The following ANO2 variants were observed in gnomAD, a reference collection of about 807,000 sequenced individuals.
The protein encoded by ANO2 is anoctamin 2, also known as anoctamin-2.
In ANO2, 101 loss-of-function variants were observed where a neutral mutation model predicts 124.2. The observed-to-expected ratio is 0.81, with a 90% confidence interval of 0.69 to 0.96. The LOEUF (loss-of-function observed/expected upper bound fraction) is 0.96, where lower values mean the gene tolerates loss of function less well. Among genes scored for constraint, ANO2 ranks in the 40% least tolerant of loss-of-function variants. ANO2 has a pLI of 0.00. For missense variants in ANO2, 1,293 were observed against 1,274.5 expected (o/e 1.01, Z -0.22); for synonymous variants, 486 against 482.5 (o/e 1.01, Z -0.09).
intron 14 of ANO2, among the ~76,000 whole-genome samples, chr12:5,670,834 C>T (rs936173997): frequency 1.9e-4 from 29 of 152,162 alleles, no homozygotes; most frequent in Admixed American, 1.5e-3. Context: ...GCCACCACAC[C>T]TGGCCAAAAT....
At position 5,586,444 on chromosome 12, in the gene ANO2, T is replaced by C. The variant is rs1207500930; in HGVS notation, c.2234-7926A>G. 4.6e-5 allele frequency among the ~76,000 whole-genome samples: 7 copies of C among 152,346 alleles called. No individual in the cohort carries two copies. In the East Asian group the frequency reaches 1.2e-3, roughly 25 times the overall value. ...CAGGGAAAGGAATTTCCTGGTTCTT[T>C]GAGCCATTGGCTTGTAACACACACA... On this transcript the variant is annotated intron_variant, in intron 20 of 24. Coordinates refer to ENST00000682330, the MANE Select transcript of ANO2 (RefSeq NM_001364791.2).
At chr12:5,714,776 G>A (rs1031283942) in intron 14 of ANO2, among the ~76,000 whole-genome samples, 11 of 152,210 alleles carry the variant, frequency 7.2e-5, no homozygotes, top group South Asian at 2.1e-4. Context: ...GATTCACAAC[G>A]TGCGATAGTT....
At chr12:5,606,777 CACAT>C (rs1428944800) in intron 19 of ANO2, among the ~76,000 whole-genome samples, 3 of 152,096 alleles carry the variant, frequency 2.0e-5, no homozygotes, top group Non-Finnish European at 4.4e-5. Flanking sequence ...TGCACACACA[CACAT>C]GCATGTTTGT....
intron 15 of ANO2, among the ~76,000 whole-genome samples, chr12:5,644,319 G>A (rs1323767381): frequency 6.6e-6 from 1 of 152,074 alleles, no homozygotes; most frequent in African/African-American, 2.4e-5. Context: ...CATTAATCTG[G>A]TTCTTGGTTT....
At chr12:5,888,211 G>A (rs1490993071) in intron 3 of ANO2, among the ~76,000 whole-genome samples, 1 of 151,562 alleles carries the variant, frequency 6.6e-6, no homozygotes, top group Non-Finnish European at 1.5e-5. Flanking sequence ...CAGCTCTTAA[G>A]GCGGCGCGTC....
chr12:5,718,209 C>G (rs1253160430), intron 14 of ANO2, among the ~76,000 whole-genome samples: 1 of 152,250 alleles, frequency 6.6e-6, no homozygotes, highest in Non-Finnish European at 1.5e-5. Flanking sequence ...ATGTCCCTCA[C>G]TGAAACAGAG....
intron 10 of ANO2, among the ~76,000 whole-genome samples, chr12:5,784,765 C>G (rs1952494829): frequency 6.6e-6 from 1 of 152,168 alleles, no homozygotes; most frequent in African/African-American, 2.4e-5. Flanking sequence ...AGCCACACTC[C>G]CCAGACGTGC....
At chr12:5,816,086 G>A (rs1236820614) in intron 7 of ANO2, among the ~76,000 whole-genome samples, 2 of 151,850 alleles carry the variant, frequency 1.3e-5, no homozygotes, top group African/African-American at 4.8e-5. Context: ...TAATCTGAGG[G>A]TGAAGGATCA....
At chr12:5,910,289 C>T (rs1940965568) in intron 3 of ANO2, among the ~76,000 whole-genome samples, 1 of 152,192 alleles carries the variant, frequency 6.6e-6, no homozygotes, top group African/African-American at 2.4e-5. Context: ...CAGCGATTCT[C>T]GTGCCTCAGC....
intron 14 of ANO2, among the ~76,000 whole-genome samples, chr12:5,669,410 A>C (rs1478667763): frequency 3.9e-5 from 6 of 152,120 alleles, no homozygotes; most frequent in Non-Finnish European, 5.9e-5. Context: ...GACTTTGCTG[A>C]AGTTGCTTAT....
intron 3 of ANO2, among the ~76,000 whole-genome samples, chr12:5,905,137 C>T (rs1387474213): frequency 1.3e-5 from 2 of 152,108 alleles, no homozygotes; most frequent in Non-Finnish European, 2.9e-5. Context: ...GCAAGGGTTC[C>T]CAGGGGGGTG....
At chr12:5,849,051 C>T (rs1954781760) in intron 4 of ANO2, among the ~76,000 whole-genome samples, 1 of 152,232 alleles carries the variant, frequency 6.6e-6, no homozygotes, top group African/African-American at 2.4e-5. Context: ...AAAGGCATGA[C>T]TTGCTGGAAG....
At chr12:5,652,473 A>G (rs1327378524) in intron 14 of ANO2, among the ~76,000 whole-genome samples, 2 of 152,206 alleles carry the variant, frequency 1.3e-5, no homozygotes, top group East Asian at 1.9e-4. Flanking sequence ...TTAATAATGT[A>G]CCATTTATAT....
At chr12:5,919,216 G>A (rs574351717) in intron 3 of ANO2, among the ~76,000 whole-genome samples, 1 of 152,376 alleles carries the variant, frequency 6.6e-6, no homozygotes, top group South Asian at 2.1e-4. Flanking sequence ...CAGGGAAGAT[G>A]TCAGGAAGGA....
chr12:5,800,458 C>T (rs974087736), intron 9 of ANO2, among the ~76,000 whole-genome samples: 1 of 152,198 alleles, frequency 6.6e-6, no homozygotes, highest in Non-Finnish European at 1.5e-5. Context: ...GTGTGGAGAA[C>T]AGACTGAGAG....
chr12:5,914,366 A>T (rs1292121670), intron 3 of ANO2, among the ~76,000 whole-genome samples: 1 of 152,100 alleles, frequency 6.6e-6, no homozygotes. Flanking sequence ...GCTCTGCCAG[A>T]CCTACAGGGT....
chr12:5,660,293 A>T (rs1328128442), intron 14 of ANO2, among the ~76,000 whole-genome samples: 1 of 151,554 alleles, frequency 6.6e-6, no homozygotes, highest in African/African-American at 2.4e-5. Context: ...ATGAACTTTG[A>T]ATACATCTAA....
chr12:5,607,783 A>G (rs1390668090), intron 19 of ANO2, among the ~76,000 whole-genome samples: 2 of 152,184 alleles, frequency 1.3e-5, no homozygotes, highest in African/African-American at 4.8e-5. Context: ...TGAGAATCCA[A>G]TGCCTGATGA....
At chr12:5,684,300 C>T (rs980846793) in intron 14 of ANO2, among the ~76,000 whole-genome samples, 1 of 152,210 alleles carries the variant, frequency 6.6e-6, no homozygotes. Flanking sequence ...GGGATCAGGG[C>T]TCCAATTCAA....
Sources: allele counts gnomAD v4.1 joint callset (sites outside exome capture counted in the v4.1 genomes callset), GRCh38; gene constraint gnomAD v4.1.1; transcripts MANE v1.5; gene names NCBI Gene and HGNC (gene_info 2026-07-23, HGNC 2026-07-21).